AFF4: variants seen among roughly 807,000 people sequenced by gnomAD.
AFF4 encodes the protein ALF transcription elongation factor 4.
AFF4 carries 13 observed loss-of-function variants against 124.8 expected under a neutral mutation model. That is an observed-to-expected ratio of 0.10 (90% CI 0.07 to 0.17). The LOEUF is 0.17. AFF4 is among the 10% of genes least tolerant of loss of function. AFF4 has a pLI of 1.00. For missense variants in AFF4, 1,092 were observed against 1,403.8 expected (o/e 0.78, Z 3.55); for synonymous variants, 477 against 496.1 (o/e 0.96, Z 0.51).
At chr5:132,935,167 T>C (rs1761396228) in intron 2 of AFF4, among the ~76,000 whole-genome samples, 1 of 151,996 alleles carries the variant, frequency 6.6e-6, no homozygotes, top group South Asian at 2.1e-4. Flanking sequence ...TAAAATATAA[T>C]CCGAGCACAG....
At chr5:132,903,572 A>G (rs528892658) in intron 6 of AFF4, among the ~76,000 whole-genome samples, 2 of 152,326 alleles carry the variant, frequency 1.3e-5, no homozygotes, top group Admixed American at 1.3e-4. Context: ...CCATAAGACT[A>G]TCTTCCCTAG....
chr5:132,877,133 GT>G lies in AFF4; in HGVS notation c.*3925del, dbSNP rs1398814194. 2 of 205,958 alleles carry G rather than the reference GT, an allele frequency of 9.7e-6. No homozygotes were observed. The highest frequency in any genetic ancestry group is 4.6e-5 in the African/African-American group (2 of 43,938). 12.8% of individuals were successfully genotyped at this position (205,958 alleles called of 1,614,324 possible). ...TGCTCTGTCTCCCCAAGTTACTTAG[GT>G]TTTTTAAAAAACATCATCACAAGCT... is the stretch of plus-strand genomic sequence containing the variant. On this transcript the variant is annotated 3_prime_UTR_variant, in exon 21 of 21. Transcript: ENST00000265343.
Position 132,921,126 on chromosome 5 carries a change from CAA to C in AFF4, c.1050+5993_1050+5994del, listed in dbSNP as rs57115662. Among the ~76,000 whole-genome samples, 79 of 87,552 alleles carry C rather than the reference CAA, an allele frequency of 9.0e-4. No individual in the cohort carries two copies. In the South Asian group the frequency reaches 0.01, roughly 11 times the overall value. The allele number at this position is 87,552 out of a possible 152,430, so 57.4% of individuals were successfully genotyped here. ...TGAGCGACAGAGCGAGACTCTGTCA[CAA>C]AAAAAAAAAAAAAAGAATCTTAGCC... On this transcript the variant is annotated intron_variant, in intron 5 of 20. Coordinates refer to ENST00000265343, the MANE Select transcript of AFF4 (RefSeq NM_014423.4).
At chr5:132,942,601 A>G (rs1761598831) in intron 1 of AFF4, among the ~76,000 whole-genome samples, 1 of 151,506 alleles carries the variant, frequency 6.6e-6, no homozygotes, top group African/African-American at 2.4e-5. Flanking sequence ...AGTAGCTGGG[A>G]TTACAGGCAT....
chr5:132,942,487 A>G (rs1417311756), intron 1 of AFF4, among the ~76,000 whole-genome samples: 1 of 146,842 alleles, frequency 6.8e-6, no homozygotes, highest in Non-Finnish European at 1.5e-5. Context: ...TTTTAAAGAC[A>G]GAGTTTCGCT....
intron 5 of AFF4, among the ~76,000 whole-genome samples, chr5:132,913,147 T>C (rs1459568730): frequency 1.3e-5 from 2 of 152,294 alleles, no homozygotes; most frequent in East Asian, 3.9e-4. Flanking sequence ...GCTGATCATA[T>C]TAATATAAAA....
At chr5:132,908,679 A>G (rs1561490281) in intron 5 of AFF4, among the ~76,000 whole-genome samples, 3 of 150,116 alleles carry the variant, frequency 2.0e-5, no homozygotes, top group African/African-American at 7.3e-5. Flanking sequence ...TGACAATATT[A>G]TTGTTATTTT....
chr5:132,935,023 T>A, intron 2 of AFF4, 82 bp from the exon 3 acceptor site: 1 of 1,184,530 alleles, frequency 8.4e-7, no homozygotes, highest in Non-Finnish European at 1.1e-6. Context: ...TTTTCCAAAC[T>A]TCGAATGGAA....
intron 4 of AFF4, among the ~76,000 whole-genome samples, chr5:132,928,299 G>A (rs1165720097): frequency 6.6e-6 from 1 of 151,722 alleles, no homozygotes; most frequent in Non-Finnish European, 1.5e-5. Flanking sequence ...TCTCATGCTT[G>A]TATGCCTGAT....
chr5:132,956,859 A>C (rs1761971247), intron 1 of AFF4, among the ~76,000 whole-genome samples: 1 of 151,188 alleles, frequency 6.6e-6, no homozygotes, highest in Non-Finnish European at 1.5e-5. Flanking sequence ...ATCTCTACTA[A>C]AAATACAAAA....
At position 132,888,164 on chromosome 5, in the gene AFF4, C is replaced by T. The variant is rs1449078428; in HGVS notation, c.2733-4G>A. On this transcript the variant is annotated splice_region_variant and splice_polypyrimidine_tract_variant and intron_variant, in intron 14 of 20. Coordinates refer to ENST00000265343, the MANE Select transcript of AFF4 (RefSeq NM_014423.4). ...ATAATGGTCTGCTGAATAATTTCTG[C>T]AAGACAAATTTTCATTATAAATAGA... 6.2e-7 allele frequency: 1 copy of T among 1,603,546 alleles called. No individual in the cohort carries two copies. The highest frequency in any genetic ancestry group is 8.5e-7 in the Non-Finnish European group (1 of 1,174,190).
At chr5:132,951,319 C>A (rs1405624260) in intron 1 of AFF4, among the ~76,000 whole-genome samples, 1 of 152,132 alleles carries the variant, frequency 6.6e-6, no homozygotes, top group Non-Finnish European at 1.5e-5. Context: ...AGCAACCACT[C>A]ATTTTATAAA....
intron 1 of AFF4, among the ~76,000 whole-genome samples, chr5:132,949,710 G>GCA (rs1561511617): frequency 1.3e-5 from 2 of 148,472 alleles, no homozygotes; most frequent in Non-Finnish European, 3.0e-5. Context: ...ACGCGCGCGC[G>GCA]CGCGCGCCAG....
intron 1 of AFF4, among the ~76,000 whole-genome samples, chr5:132,959,789 G>T (rs1762042343): frequency 7.9e-6 from 1 of 125,898 alleles, no homozygotes; most frequent in Non-Finnish European, 1.6e-5. Context: ...TTTTGAGACG[G>T]AGTCTCGCTC....
rs909085141 is a variant in AFF4, at chr5:132,878,406, G to C, written c.*2653C>G. ...AACCATATACTAAGTACAAGTCTCA[G>C]ACTAAGTTTTTAGCCACTTGTCAAA... On this transcript the variant is annotated 3_prime_UTR_variant, in exon 21 of 21. Transcript: ENST00000265343. The C allele has an allele frequency of 8.7e-5, 20 of 231,156 alleles. No homozygotes were observed. Among genetic ancestry groups the C allele is most frequent in the African/African-American group, 4.4e-4 (20 of 45,216 alleles). The allele number at this position is 231,156 out of a possible 1,614,324, so 14.3% of individuals were successfully genotyped here.
chr5:132,900,097 A>G (rs572657631), intron 7 of AFF4, among the ~76,000 whole-genome samples: 177 of 152,376 alleles, frequency 1.2e-3, no homozygotes, highest in Non-Finnish European at 2.0e-3. Context: ...AGAGGTTAGT[A>G]TAACTGTTGA....
chr5:132,923,392 GAGAGAGAA>G (rs924135077), intron 5 of AFF4, among the ~76,000 whole-genome samples: 41 of 151,860 alleles, frequency 2.7e-4, no homozygotes, highest in African/African-American at 8.9e-4. Context: ...GAGAGAGAGA[GAGAGAGAA>G]AGCAAGGAAG....
chr5:132,882,287 T>C (rs1760001532), intron 20 of AFF4, among the ~76,000 whole-genome samples: 1 of 152,112 alleles, frequency 6.6e-6, no homozygotes, highest in South Asian at 2.1e-4. Context: ...TAGGAATCTT[T>C]CATTTTCATC....
Position 132,880,341 on chromosome 5 carries a change from C to G in AFF4, c.*718G>C. On this transcript the variant is annotated 3_prime_UTR_variant, in exon 21 of 21. Coordinates refer to ENST00000265343, the MANE Select transcript of AFF4 (RefSeq NM_014423.4). Reference sequence around the variant, plus strand: ...GCAAGCTATAGTCACTGTGTGATTGCTGTAGTGTTATTAACACACATTCAC... The same window carrying G: ...GCAAGCTATAGTCACTGTGTGATTGGTGTAGTGTTATTAACACACATTCAC... The G allele has an allele frequency of 2.5e-6, 1 of 398,928 alleles. No individual in the cohort carries two copies. Among genetic ancestry groups the G allele is most frequent in the Non-Finnish European group, 4.4e-6 (1 of 226,010 alleles). The allele number at this position is 398,928 out of a possible 1,614,324, so 24.7% of individuals were successfully genotyped here.
Sources: allele counts gnomAD v4.1 joint callset (sites outside exome capture counted in the v4.1 genomes callset), GRCh38; gene constraint gnomAD v4.1.1; transcripts MANE v1.5; gene names NCBI Gene and HGNC (gene_info 2026-07-23, HGNC 2026-07-21).